The following MYO15A variants were observed in gnomAD, a reference collection of about 807,000 sequenced individuals.
The protein encoded by MYO15A is myosin XVA.
In MYO15A, 308 loss-of-function variants were observed where a neutral mutation model predicts 394.6. The ratio of observed to expected loss-of-function variants is 0.78; its 90% CI spans 0.71 to 0.86. MYO15A has a LOEUF of 0.86. MYO15A is among the 40% of genes least tolerant of loss of function. MYO15A has a pLI of 0.00. For synonymous variants in MYO15A, 1,957 were observed against 2,003.8 expected, an observed-to-expected ratio of 0.98 and a Z score of 0.62; for missense variants, 4,606 against 4,799.1, an observed-to-expected ratio of 0.96 and a Z score of 1.19.
At position 18,172,168 on chromosome 17, in the gene MYO15A, G is replaced by C. The variant is rs755643067; in HGVS notation, c.10228G>C (p.Ala3410Pro). 6.8e-6 allele frequency: 11 copies of C among 1,614,026 alleles called. No individual in the cohort carries two copies. Among genetic ancestry groups the C allele is most frequent in the Admixed American group, 6.7e-5 (4 of 59,986 alleles). ...CTCTCCCTGCCCAGGCCTCCTCAGC[G>C]CCTTACCTATGTTCGGCTCCTCCTT... ...ARAQFLGLLSALPMFGSSFFF... is the reference protein window; with the variant it reads ...ARAQFLGLLSPLPMFGSSFFF... The change falls in exon 64 of 66, where the codon GCC becomes CCC. Residue 3410 changes from alanine to proline, a missense_variant. Transcript: ENST00000647165.
rs1297387597 is a variant in MYO15A at position 18,151,444 on chromosome 17, C to G, written c.7704C>G (p.His2568Gln). 1.1e-5 allele frequency: 17 copies of G among 1,614,204 alleles called. No homozygotes were observed. The East Asian group carries it at 3.8e-4, about 36-fold the overall frequency. Residue 2568 changes from histidine (H) to glutamine (Q), a missense_variant, in exon 40 of 66, where the codon CAC becomes CAG. This residue lies in a region of MYO15A where 2,776 missense variants were observed against 3,109.3 expected (regional missense o/e 0.89). Coordinates refer to ENST00000647165, the MANE Select transcript of MYO15A (RefSeq NM_016239.4). ...LVRYSTLNSE[H>Q]FPQPTQQIKN... is the part of the protein sequence containing the mutation. The stretch of plus-strand genomic sequence containing the variant: ...GGTACTCTACGCTCAACTCTGAGCA[C>G]TTCCCACAGCCCACACAGCAGATCA...
rs765000005 is a variant in MYO15A, at chr17:18,119,111, C to G, written c.311C>G (p.Pro104Arg). ...KKKRAMKGKKPSFMVIRFPGR... is the reference protein window; with the variant it reads ...KKKRAMKGKKRSFMVIRFPGR... ...AAGCGGGCGATGAAGGGCAAGAAGC[C>G]GTCCTTCATGGTGATCCGCTTCCCA... The change falls in exon 2 of 66, where the codon CCG becomes CGG. Residue 104 changes from proline to arginine, a missense_variant. Pro to Arg is a moderately radical substitution (Grantham distance 103, BLOSUM62 -2). This residue lies in a region of MYO15A where 1,830 missense variants were observed against 1,689.7 expected (regional missense o/e 1.08). Coordinates refer to ENST00000647165, the MANE Select transcript of MYO15A (RefSeq NM_016239.4). The G allele has an allele frequency of 1.2e-6, 2 of 1,611,956 alleles. No homozygotes were observed. The highest frequency in any genetic ancestry group is 2.2e-5 in the South Asian group (2 of 90,992).
chr17:18,165,927 T>G (rs562022651), intron 60 of MYO15A, among the ~76,000 whole-genome samples: 1 of 151,802 alleles, frequency 6.6e-6, no homozygotes, highest in African/African-American at 2.4e-5. Context: ...CTGAAGGAGG[T>G]CTGCAGAAAG....
Position 18,171,802 on chromosome 17 carries a change from T to C in MYO15A, c.10216+31T>C, listed in dbSNP as rs746284177. On this transcript the variant is annotated intron_variant, in intron 63 of 65. Coordinates refer to ENST00000647165, the MANE Select transcript of MYO15A (RefSeq NM_016239.4). ...AGCTGCAGGGCAGGGGAGGTGATCATAGGGGGCTTTGCTGAGGAGGGTGGT... is the reference window on the plus strand; with the variant it reads ...AGCTGCAGGGCAGGGGAGGTGATCACAGGGGGCTTTGCTGAGGAGGGTGGT... The C allele has an allele frequency of 4.4e-6, 7 of 1,598,266 alleles. No homozygotes were observed. In the East Asian group the frequency reaches 8.9e-5, roughly 20 times the overall value.
chr17:18,171,978 TGCAA>T (rs1317222182), intron 63 of MYO15A, among the ~76,000 whole-genome samples, 175 bp from the exon 64 acceptor site: 1 of 152,090 alleles, frequency 6.6e-6, no homozygotes, highest in African/African-American at 2.4e-5. Flanking sequence ...GAAGAAGAGC[TGCAA>T]GCAGGGATAG....
chr17:18,147,980 A>C lies in MYO15A; in HGVS notation c.6510-49A>C. The C allele has an allele frequency of 6.2e-7, 1 of 1,611,990 alleles. No individual in the cohort carries two copies. Among genetic ancestry groups the C allele is most frequent in the Admixed American group, 1.7e-5 (1 of 60,020 alleles). ...CCCCACCCCGCAGCCCTCAGCCCCAAGCTAGCTTCAGATCCTTCTTGATCC... is the reference window on the plus strand; with the variant it reads ...CCCCACCCCGCAGCCCTCAGCCCCACGCTAGCTTCAGATCCTTCTTGATCC... On this transcript the variant is annotated intron_variant, in intron 30 of 65. Transcript: ENST00000647165. This position sits in a 1 kb window ranked among gnomAD's most constrained non-coding sequence, Gnocchi z 4.4.
Position 18,157,796 on chromosome 17 carries a change from G to C in MYO15A, c.8863G>C (p.Asp2955His). ...GCTGGTGCAGCCCGCTGCTGCCCCC[G>C]ACTTCCTGCAGCTGCCAACGGAGCC... ...SELVQPAAAP[D>H]FLQLPTEPGR... Residue 2955 changes from aspartate (D) to histidine (H), a missense_variant, in exon 51 of 66, where the codon GAC becomes CAC. By Grantham distance (81) the Asp-to-His change is moderately conservative. This residue lies in a region of MYO15A where 2,776 missense variants were observed against 3,109.3 expected (regional missense o/e 0.89). Coordinates refer to ENST00000647165, the MANE Select transcript of MYO15A (RefSeq NM_016239.4). The C allele has an allele frequency of 6.2e-7, 1 of 1,603,238 alleles. No individual in the cohort carries two copies.
rs751394944 is a variant in MYO15A, at chr17:18,118,922, G to A, written c.122G>A (p.Arg41His). 4 of 1,613,700 alleles carry A rather than the reference G, an allele frequency of 2.5e-6. No individual in the cohort carries two copies. Among genetic ancestry groups the A allele is most frequent in the Admixed American group, 3.3e-5 (2 of 59,988 alleles). ...ACGTCGCGGCTGTTCATGGGCTTCC[G>A]CGACCGTACACCCAAGATCTCCAAG... The part of the protein sequence containing the change: ...KGTSRLFMGF[R>H]DRTPKISKKG... The change falls in exon 2 of 66, where the codon CGC becomes CAC. Residue 41 changes from arginine to histidine, a missense_variant. Arg to His is a conservative substitution (Grantham distance 29). This residue lies in a region of MYO15A where 1,830 missense variants were observed against 1,689.7 expected (regional missense o/e 1.08). Coordinates refer to ENST00000647165, the MANE Select transcript of MYO15A (RefSeq NM_016239.4).
chr17:18,126,585 T>A, intron 5 of MYO15A, 129 bp downstream of exon 5: 1 of 1,063,562 alleles, frequency 9.4e-7, no homozygotes, highest in Non-Finnish European at 1.4e-6. Context: ...ACCTACTCAA[T>A]CTGACAGTCT....
chr17:18,111,362 A>C (rs949683832), intron 1 of MYO15A, among the ~76,000 whole-genome samples: 17 of 138,680 alleles, frequency 1.2e-4, no homozygotes, highest in Non-Finnish European at 2.3e-4. Flanking sequence ...AAAAAAAAAA[A>C]AAAACAAAGT....
At chr17:18,163,103 C>A in intron 58 of MYO15A, 141 bp from the exon 59 acceptor site, 1 of 860,356 alleles carries the variant, frequency 1.2e-6, no homozygotes, top group Non-Finnish European at 2.0e-6. Context: ...GCAGACAGGC[C>A]CTGCGCGGTC....
intron 62 of MYO15A, among the ~76,000 whole-genome samples, chr17:18,170,360 TTTTA>T (rs869178624): frequency 1.0e-5 from 1 of 98,504 alleles, no homozygotes; most frequent in Admixed American, 1.0e-4. Flanking sequence ...TTTTATTTTA[TTTTA>T]TTTATTTATT....
At chr17:18,151,047 G>T in intron 38 of MYO15A, 63 bp from the exon 39 acceptor site, 1 of 1,610,618 alleles carries the variant, frequency 6.2e-7, no homozygotes. Context: ...ACAGAGATCT[G>T]GAGTCCCAGA....
At position 18,171,568 on chromosome 17, in the gene MYO15A, T is replaced by C. The variant is rs544219337; in HGVS notation, c.10083-70T>C. ...ATAGATCAGGACTGCTCTGCATGCC[T>C]GCTGCACAGTGAGGATTGCCTGAGC... On this transcript the variant is annotated intron_variant, in intron 62 of 65. Coordinates refer to ENST00000647165, the MANE Select transcript of MYO15A (RefSeq NM_016239.4). 11 of 1,609,444 alleles carry C rather than the reference T, an allele frequency of 6.8e-6. No homozygotes were observed. In the African/African-American group the frequency reaches 1.1e-4, roughly 16 times the overall value.
intron 43 of MYO15A, 32 bp from the exon 44 acceptor site, chr17:18,154,099 G>T: frequency 3.1e-6 from 5 of 1,613,272 alleles, no homozygotes; most frequent in Admixed American, 1.7e-5. Context: ...GGGGGCAGTC[G>T]GACAGTACCC....
Position 18,163,263 on chromosome 17 carries a change from G to A in MYO15A, c.9632G>A (p.Arg3211Lys). The change falls in exon 59 of 66, where the codon AGG (arginine) becomes AAG (lysine). Residue 3211 changes from arginine (R) to lysine (K), a missense_variant. Physicochemically the swap from Arg to Lys is conservative, Grantham distance 26. This residue lies in a region of MYO15A where 2,776 missense variants were observed against 3,109.3 expected (regional missense o/e 0.89). Coordinates refer to ENST00000647165, the MANE Select transcript of MYO15A (RefSeq NM_016239.4). ...CCCCAGGCAGGCCGCAGTTCCAAGA[G>A]GCAACTCTTTCTTCTTCCTGGAGGC... is the stretch of plus-strand genomic sequence containing the variant. The part of the protein sequence containing the change: ...RAMLAGRSSK[R>K]QLFLLPGGLE... 7 of 1,614,218 alleles carry A rather than the reference G, an allele frequency of 4.3e-6. No individual in the cohort carries two copies. The highest frequency in any genetic ancestry group is 5.9e-6 in the Non-Finnish European group (7 of 1,180,034).
Position 18,148,303 on chromosome 17 carries a change from G to A in MYO15A, c.6691+93G>A. On this transcript the variant is annotated intron_variant, in intron 31 of 65. Transcript: ENST00000647165. The surrounding 1 kb of genome is among the most constrained non-coding windows in gnomAD (Gnocchi z 4.8). The stretch of plus-strand genomic sequence containing the variant: ...GGCAGAAGCCACTGGATGTTCTGGA[G>A]CTGGGGAGGGGCCTTCTCAGATGTG... 1 of 1,550,596 alleles carries A rather than the reference G, an allele frequency of 6.4e-7. No individual in the cohort carries two copies. Among genetic ancestry groups the A allele is most frequent in the South Asian group, 1.2e-5 (1 of 86,352 alleles).
rs751971478 is a variant in MYO15A at position 18,149,509 on chromosome 17, G to C, written c.7141G>C (p.Ala2381Pro). The C allele has an allele frequency of 1.2e-6, 2 of 1,614,086 alleles. No individual in the cohort carries two copies. The highest frequency in any genetic ancestry group is 1.7e-6 in the Non-Finnish European group (2 of 1,180,034). The change falls in exon 35 of 66, where the codon GCT becomes CCT. Residue 2381 changes from alanine to proline, a missense_variant. Around this residue, in one of 2 missense-constraint regions of MYO15A, gnomAD observed 2,776 missense variants for 3,109.3 expected, o/e 0.89. Transcript: ENST00000647165. ...AGAGTCAGACAGTCTTGGAGAGCCT[G>C]CTGTGCCCCACAAGGGGCTGGACTG... ...HQESDSLGEP[A>P]VPHKGLDCYL... is the part of the protein sequence containing the mutation.
chr17:18,144,647 G>A (rs1215202915), intron 29 of MYO15A, 55 bp downstream of exon 29: 1 of 1,555,032 alleles, frequency 6.4e-7, no homozygotes, highest in Non-Finnish European at 8.8e-7. Flanking sequence ...CCCTGAAACT[G>A]GGCCATGAGG....
Sources: allele counts gnomAD v4.1 joint callset (sites outside exome capture counted in the v4.1 genomes callset), GRCh38; gene constraint gnomAD v4.1.1; regional missense constraint gnomAD v4.1.1; non-coding constraint Gnocchi (gnomAD v3.1); transcripts MANE v1.5; gene names NCBI Gene and HGNC (gene_info 2026-07-23, HGNC 2026-07-21).